GNA12: variants seen among roughly 807,000 people sequenced by gnomAD.
GNA12 encodes guanine nucleotide-binding protein subunit alpha-12.
A neutral mutation model predicts 26.0 loss-of-function variants in GNA12; 9 were observed. The ratio of observed to expected loss-of-function variants is 0.35; its 90% CI spans 0.21 to 0.60. The LOEUF (loss-of-function observed/expected upper bound fraction) is 0.60. Among genes scored for constraint, GNA12 ranks in the 20% least tolerant of loss-of-function variants. The probability of loss-of-function intolerance (pLI) is 0.78; values close to 1 mark genes in which losing one functional copy is unlikely to be tolerated. For synonymous variants in GNA12, 264 were observed against 219.6 expected, an observed-to-expected ratio of 1.20 and a Z score of -1.79; for missense variants, 405 against 525.8, an observed-to-expected ratio of 0.77 and a Z score of 2.25.
intron 1 of GNA12, among the ~76,000 whole-genome samples, chr7:2,842,310 T>C (rs1020839689): frequency 6.7e-6 from 1 of 148,506 alleles, no homozygotes; most frequent in Non-Finnish European, 1.5e-5. Context: ...TTATCAACTC[T>C]ATGGTTCTTT....
At chr7:2,798,448 G>A (rs575229643) in intron 1 of GNA12, among the ~76,000 whole-genome samples, 4 of 152,112 alleles carry the variant, frequency 2.6e-5, no homozygotes, top group Admixed American at 6.5e-5. Flanking sequence ...CTAAAAAAAC[G>A]AAACAGGTAT....
chr7:2,803,989 T>C (rs936663492), intron 1 of GNA12, among the ~76,000 whole-genome samples: 4 of 152,144 alleles, frequency 2.6e-5, no homozygotes, highest in Non-Finnish European at 5.9e-5. Context: ...AACTTCTTCC[T>C]CTCCTGTTCT....
chr7:2,739,493 A>G (rs910696757), intron 2 of GNA12, among the ~76,000 whole-genome samples: 1 of 99,058 alleles, frequency 1.0e-5, no homozygotes, highest in Admixed American at 1.1e-4. Context: ...ATATATATGT[A>G]TATTACATGC....
At chr7:2,839,424 C>T (rs191906428) in intron 1 of GNA12, among the ~76,000 whole-genome samples, 2 of 152,276 alleles carry the variant, frequency 1.3e-5, no homozygotes, top group Admixed American at 1.3e-4. Flanking sequence ...TGCTCTGTCG[C>T]CCAGGCTGGA....
At chr7:2,738,595 C>A (rs1454495243) in intron 2 of GNA12, among the ~76,000 whole-genome samples, 1 of 151,860 alleles carries the variant, frequency 6.6e-6, no homozygotes, top group Non-Finnish European at 1.5e-5. Context: ...GTGGATACAC[C>A]AGCAGCAGAT....
At chr7:2,767,897 C>T (rs968109107) in intron 2 of GNA12, among the ~76,000 whole-genome samples, 2 of 152,184 alleles carry the variant, frequency 1.3e-5, no homozygotes, top group East Asian at 1.9e-4. Context: ...CTCTGTCACC[C>T]GGGCTGGAGT....
intron 2 of GNA12, among the ~76,000 whole-genome samples, chr7:2,749,498 C>A (rs1388632227): frequency 1.4e-5 from 2 of 141,312 alleles, no homozygotes; most frequent in Non-Finnish European, 3.0e-5. Context: ...ACATCACACA[C>A]CGGGGACTAT....
intron 1 of GNA12, among the ~76,000 whole-genome samples, chr7:2,839,375 C>T (rs900289614): frequency 2.0e-5 from 3 of 152,090 alleles, no homozygotes; most frequent in African/African-American, 7.2e-5. Flanking sequence ...GTGTGCACCA[C>T]CACACCCGGC....
chr7:2,783,777 T>C (rs966521905), intron 2 of GNA12, among the ~76,000 whole-genome samples: 4 of 151,982 alleles, frequency 2.6e-5, no homozygotes, highest in African/African-American at 9.7e-5. Flanking sequence ...CTGCGCCTCC[T>C]GGATTCAAGC....
At chr7:2,804,826 A>G (rs1306134345) in intron 1 of GNA12, among the ~76,000 whole-genome samples, 1 of 152,050 alleles carries the variant, frequency 6.6e-6, no homozygotes, top group Non-Finnish European at 1.5e-5. Context: ...TGGGAAGCCG[A>G]GGCGGGAGGA....
intron 2 of GNA12, among the ~76,000 whole-genome samples, chr7:2,741,537 A>G (rs1337263281): frequency 6.6e-6 from 1 of 152,192 alleles, no homozygotes; most frequent in East Asian, 1.9e-4. Context: ...CAGCCTTTGT[A>G]GTAGCCAGAA....
intron 1 of GNA12, among the ~76,000 whole-genome samples, chr7:2,825,224 G>A (rs1407548397): frequency 6.6e-6 from 1 of 152,186 alleles, no homozygotes; most frequent in Non-Finnish European, 1.5e-5. Flanking sequence ...GAATCCTGGG[G>A]CGTGGGAGGG....
Position 2,839,572 on chromosome 7 carries a change from T to C in GNA12, c.309+4281A>G, listed in dbSNP as rs1035332390. On this transcript the variant is annotated intron_variant, in intron 1 of 3. Transcript: ENST00000275364. ...CCAATTTTTGTATTTTTTGTAGAGA[T>C]GGGGTTTCACCATATTGCCCAGGTT... is the stretch of plus-strand genomic sequence containing the variant. Among the ~76,000 whole-genome samples, 3 of 152,292 alleles carry C rather than the reference T, an allele frequency of 2.0e-5. No homozygotes were observed. In the East Asian group the frequency reaches 5.8e-4, roughly 29 times the overall value.
At chr7:2,794,693 T>C in intron 2 of GNA12, 1 of 553,400 alleles carries the variant, frequency 1.8e-6, no homozygotes, top group South Asian at 2.2e-5. Flanking sequence ...ACCCTCCGTA[T>C]TCCCAGAAGA....
intron 2 of GNA12, among the ~76,000 whole-genome samples, chr7:2,746,151 A>G (rs1562401943): frequency 2.0e-5 from 3 of 152,242 alleles, no homozygotes; most frequent in Non-Finnish European, 2.9e-5. Context: ...AATTGAATTC[A>G]GCTCTGCACC....
chr7:2,801,119 A>G (rs1357367343), intron 1 of GNA12, among the ~76,000 whole-genome samples: 2 of 152,260 alleles, frequency 1.3e-5, no homozygotes, highest in East Asian at 1.9e-4. Flanking sequence ...GCCTGGCAAC[A>G]GTGGCTTGGA....
At chr7:2,819,099 G>C (rs1171501164) in intron 1 of GNA12, among the ~76,000 whole-genome samples, 1 of 152,166 alleles carries the variant, frequency 6.6e-6, no homozygotes, top group Non-Finnish European at 1.5e-5. Flanking sequence ...AGCAGATGTG[G>C]AAGGTGGAAA....
chr7:2,834,154 A>T (rs1778762609), intron 1 of GNA12, among the ~76,000 whole-genome samples: 1 of 152,154 alleles, frequency 6.6e-6, no homozygotes, highest in Admixed American at 6.5e-5. Context: ...CCACATTACA[A>T]CCACTCCTTT....
intron 1 of GNA12, among the ~76,000 whole-genome samples, chr7:2,836,694 C>A (rs1349770378): frequency 2.0e-5 from 3 of 152,018 alleles, no homozygotes; most frequent in African/African-American, 4.8e-5. Flanking sequence ...GAGGCCGAGG[C>A]GGGTGGATCA....
Sources: gnomAD v4.1 joint callset for allele counts (sites outside exome capture counted in the v4.1 genomes callset) on GRCh38, gnomAD v4.1.1 for gene constraint, MANE v1.5 for transcripts, NCBI Gene and HGNC (gene_info 2026-07-23, HGNC 2026-07-21) for gene names.